COL19A1: variants seen among roughly 807,000 people sequenced by gnomAD.
COL19A1 encodes collagen type XIX alpha 1 chain.
In COL19A1, 159 loss-of-function variants were observed where a neutral mutation model predicts 190.2. The ratio of observed to expected loss-of-function variants is 0.84; its 90% CI spans 0.73 to 0.95. The LOEUF (loss-of-function observed/expected upper bound fraction) is 0.95, where lower values mean the gene tolerates loss of function less well. Among genes scored for constraint, COL19A1 ranks in the 40% least tolerant of loss-of-function variants. The pLI, the probability that COL19A1 is intolerant of heterozygous loss-of-function variation, is 0.00. For missense variants in COL19A1, 1,418 were observed against 1,431.9 expected, an observed-to-expected ratio of 0.99 and a Z score of 0.16; for synonymous variants, 509 against 458.9, an observed-to-expected ratio of 1.11 and a Z score of -1.39.
intron 11 of COL19A1, among the ~76,000 whole-genome samples, chr6:69,970,040 C>A (rs1246816770): frequency 6.6e-6 from 1 of 152,108 alleles, no homozygotes. Flanking sequence ...TCAAACCCAG[C>A]CTAGATTCAA....
chr6:70,021,818 A>G (rs1223383301), intron 11 of COL19A1, among the ~76,000 whole-genome samples: 1 of 152,184 alleles, frequency 6.6e-6, no homozygotes, highest in African/African-American at 2.4e-5. Context: ...TAATTTTAGT[A>G]GCCACATGTG....
At chr6:70,046,766 T>C (rs1300100800) in intron 14 of COL19A1, among the ~76,000 whole-genome samples, 1 of 152,134 alleles carries the variant, frequency 6.6e-6, no homozygotes, top group Non-Finnish European at 1.5e-5. Flanking sequence ...GTTAAACTCA[T>C]AGATGGTAAA....
intron 49 of COL19A1, among the ~76,000 whole-genome samples, chr6:70,204,843 T>A (rs1485016858): frequency 6.6e-6 from 1 of 152,114 alleles, no homozygotes; most frequent in Non-Finnish European, 1.5e-5. Flanking sequence ...GGGACCTGAG[T>A]TAAACTATCA....
intron 11 of COL19A1, among the ~76,000 whole-genome samples, chr6:70,009,006 C>T (rs1582673758): frequency 6.6e-6 from 1 of 151,942 alleles, no homozygotes; most frequent in Non-Finnish European, 1.5e-5. Context: ...AGCAGTTTGT[C>T]ACTCTGATAA....
intron 23 of COL19A1, 132 bp downstream of exon 23, chr6:70,142,952 A>T: frequency 1.4e-6 from 1 of 714,202 alleles, no homozygotes; most frequent in Non-Finnish European, 2.3e-6. Context: ...ATGCCACAAA[A>T]ACTGATCATA....
At chr6:69,867,327 C>T (rs1184141879) in intron 1 of COL19A1, 2 of 153,074 alleles carry the variant, frequency 1.3e-5, no homozygotes, top group African/African-American at 4.8e-5. Context: ...CTTAATTACC[C>T]TGCAGCATGC....
chr6:69,969,145 A>G (rs1775281240), intron 11 of COL19A1, among the ~76,000 whole-genome samples: 2 of 152,228 alleles, frequency 1.3e-5, no homozygotes, highest in African/African-American at 4.8e-5. Context: ...AATAAATGTT[A>G]ATATCCTCAG....
At chr6:70,087,730 A>T (rs2150171397) in intron 15 of COL19A1, among the ~76,000 whole-genome samples, 1 of 152,326 alleles carries the variant, frequency 6.6e-6, no homozygotes. Context: ...AATGGTAAGG[A>T]TCGCCACACT....
At chr6:70,156,547 A>T in intron 33 of COL19A1, 123 bp from the exon 34 acceptor site, 2 of 1,155,876 alleles carry the variant, frequency 1.7e-6, no homozygotes, top group East Asian at 2.6e-5. Context: ...AAATGTTGCC[A>T]TTTATTTGTT....
rs550667401 is a variant in COL19A1 at position 70,172,723 on chromosome 6, C to T, written c.2622+706C>T. ...AATAAATAAAAGATTGCTCTTTTAC[C>T]ACAGGAAGTTTGAGAAACACTAATA... is the stretch of plus-strand genomic sequence containing the variant. On this transcript the variant is annotated intron_variant, in intron 41 of 50. Coordinates refer to ENST00000620364, the MANE Select transcript of COL19A1 (RefSeq NM_001858.6). Among the ~76,000 whole-genome samples, 6 of 152,230 alleles carry T rather than the reference C, an allele frequency of 3.9e-5. No homozygotes were observed. The East Asian group carries it at 5.8e-4, about 15-fold the overall frequency.
At chr6:70,180,249 A>G in intron 42 of COL19A1, 63 bp from the exon 43 acceptor site, 1 of 1,583,422 alleles carries the variant, frequency 6.3e-7, no homozygotes, top group African/African-American at 1.3e-5. Flanking sequence ...TTGGGGGAAG[A>G]GAAGCATATG....
At chr6:69,943,456 A>G (rs565027018) in intron 9 of COL19A1, among the ~76,000 whole-genome samples, 1 of 152,106 alleles carries the variant, frequency 6.6e-6, no homozygotes, top group East Asian at 1.9e-4. Flanking sequence ...TGTGCTCTTG[A>G]GGTTGTAGCC....
At chr6:69,876,009 TGA>T (rs1768107206) in intron 1 of COL19A1, among the ~76,000 whole-genome samples, 1 of 151,922 alleles carries the variant, frequency 6.6e-6, no homozygotes, top group African/African-American at 2.4e-5. Context: ...AAAGGAAATC[TGA>T]GAGAGTGTCA....
intron 17 of COL19A1, among the ~76,000 whole-genome samples, chr6:70,127,616 A>G (rs1035618104): frequency 6.6e-6 from 1 of 152,222 alleles, no homozygotes; most frequent in South Asian, 2.1e-4. Context: ...AAAACGTTTC[A>G]TGGACTCACA....
chr6:70,092,138 A>G (rs955779295), intron 15 of COL19A1, among the ~76,000 whole-genome samples: 1 of 152,280 alleles, frequency 6.6e-6, no homozygotes, highest in African/African-American at 2.4e-5. Flanking sequence ...AGAAGAGAAG[A>G]GAACCGAAGA....
At chr6:69,968,482 A>C (rs1012491610) in intron 11 of COL19A1, among the ~76,000 whole-genome samples, 54 of 152,170 alleles carry the variant, frequency 3.5e-4, no homozygotes, top group African/African-American at 1.3e-3. Flanking sequence ...AAATTAGATA[A>C]TCAGACTATT....
intron 9 of COL19A1, among the ~76,000 whole-genome samples, chr6:69,954,305 T>A (rs1387585050): frequency 6.6e-6 from 1 of 152,034 alleles, no homozygotes; most frequent in Non-Finnish European, 1.5e-5. Flanking sequence ...GTAGAAGGAC[T>A]TGGGGTCTGT....
At chr6:69,905,535 C>T (rs1770494982) in intron 4 of COL19A1, among the ~76,000 whole-genome samples, 1 of 152,196 alleles carries the variant, frequency 6.6e-6, no homozygotes, top group African/African-American at 2.4e-5. Context: ...GGCGCAAGTG[C>T]ACTTGTACAG....
At chr6:69,961,935 G>C (rs143126964) in intron 10 of COL19A1, among the ~76,000 whole-genome samples, 90 of 152,158 alleles carry the variant, frequency 5.9e-4, no homozygotes, top group Admixed American at 1.3e-3. Flanking sequence ...GGGTCACCTT[G>C]TTGAGGCATT....
Sources: allele counts gnomAD v4.1 joint callset (sites outside exome capture counted in the v4.1 genomes callset), GRCh38; gene constraint gnomAD v4.1.1; transcripts MANE v1.5; gene names NCBI Gene and HGNC (gene_info 2026-07-23, HGNC 2026-07-21).